The following TYW1B variants were observed in gnomAD, a reference collection of about 807,000 sequenced individuals.
The protein encoded by TYW1B is tRNA-yW synthesizing protein 1 homolog B.
TYW1B carries 73 observed loss-of-function variants against 86.9 expected under a neutral mutation model. That is an observed-to-expected ratio of 0.84 (90% CI 0.70 to 1.02). TYW1B has a LOEUF of 1.02. Ranked by LOEUF, TYW1B falls within the 50% of genes least tolerant of loss-of-function variation. TYW1B has a pLI of 0.00. For missense variants in TYW1B, 637 were observed against 827.4 expected (o/e 0.77, Z 2.82); for synonymous variants, 248 against 292.8 (o/e 0.85, Z 1.56).
rs1184380985 is a variant in TYW1B, at chr7:72,738,337, C to A, written c.1082+6147G>T. ...TGACCTCGTGATCCGCCTGCCTCAG[C>A]CTCCCAAAGTGCTGGGATTACAGGC... On this transcript the variant is annotated intron_variant, in intron 8 of 13. Transcript: ENST00000620995. Among the ~76,000 whole-genome samples, 18 of 152,254 alleles carry A rather than the reference C, an allele frequency of 1.2e-4. No homozygotes were observed. The East Asian group carries it at 2.9e-3, about 25-fold the overall frequency.
chr7:72,700,979 G>A (rs1554452425), intron 10 of TYW1B, among the ~76,000 whole-genome samples: 2 of 151,932 alleles, frequency 1.3e-5, no homozygotes. Flanking sequence ...CAGGAGAATT[G>A]CTTGAATCGG....
chr7:72,734,660 T>C (rs1343852381), intron 8 of TYW1B, among the ~76,000 whole-genome samples: 2 of 151,942 alleles, frequency 1.3e-5, no homozygotes, highest in African/African-American at 2.4e-5. Context: ...ATCAACAGGG[T>C]GAAGAGACAA....
chr7:72,577,716 A>T (rs1811055508), intron 13 of TYW1B, among the ~76,000 whole-genome samples: 1 of 152,116 alleles, frequency 6.6e-6, no homozygotes, highest in African/African-American at 2.4e-5. Context: ...AACTTCACAC[A>T]GACGGCCTGA....
At chr7:72,776,724 T>C (rs1204939355) in intron 7 of TYW1B, among the ~76,000 whole-genome samples, 2 of 151,256 alleles carry the variant, frequency 1.3e-5, no homozygotes, top group African/African-American at 4.9e-5. Context: ...AAAAAGCAGA[T>C]GAAATAGAAA....
intron 6 of TYW1B, among the ~76,000 whole-genome samples, chr7:72,796,587 C>T (rs1269508308): frequency 6.6e-6 from 1 of 151,650 alleles, no homozygotes; most frequent in Non-Finnish European, 1.5e-5. Context: ...GTTCATTAAT[C>T]TTTTTGAAGC....
At chr7:72,809,893 G>C (rs1204068857) in intron 4 of TYW1B, among the ~76,000 whole-genome samples, 1 of 151,598 alleles carries the variant, frequency 6.6e-6, no homozygotes, top group Non-Finnish European at 1.5e-5. Context: ...CCAGCTACTC[G>C]GGAGGCTGAT....
At chr7:72,684,218 G>T (rs1359745092) in intron 11 of TYW1B, among the ~76,000 whole-genome samples, 4 of 150,292 alleles carry the variant, frequency 2.7e-5, no homozygotes, top group Admixed American at 6.6e-5. Context: ...CCAAACCACA[G>T]TTTGTCAGGA....
At chr7:72,818,578 C>CAAAAA (rs57325230) in intron 2 of TYW1B, among the ~76,000 whole-genome samples, 4 of 38,384 alleles carry the variant, frequency 1.0e-4, no homozygotes, top group African/African-American at 2.9e-4. Context: ...GACTCCATCT[C>CAAAAA]AAAAAAAAAA....
intron 13 of TYW1B, among the ~76,000 whole-genome samples, chr7:72,609,520 C>T (rs1407345700): frequency 6.6e-6 from 1 of 152,092 alleles, no homozygotes; most frequent in East Asian, 1.9e-4. Flanking sequence ...GTTCACACCA[C>T]TGCACTCCAG....
chr7:72,734,241 G>A (rs1174106959), intron 8 of TYW1B, among the ~76,000 whole-genome samples: 1 of 65,980 alleles, frequency 1.5e-5, no homozygotes, highest in Admixed American at 1.8e-4. Flanking sequence ...GCAGGCAACA[G>A]TTTAAAACTC....
chr7:72,624,459 TTAA>T (rs1812293340), intron 12 of TYW1B, among the ~76,000 whole-genome samples: 1 of 152,232 alleles, frequency 6.6e-6, no homozygotes, highest in Admixed American at 6.5e-5. Flanking sequence ...AAACTAAAAT[TTAA>T]AAAATGGAAC....
At chr7:72,662,448 T>C (rs1177965977) in intron 11 of TYW1B, among the ~76,000 whole-genome samples, 3 of 151,904 alleles carry the variant, frequency 2.0e-5, no homozygotes, top group Admixed American at 2.0e-4. Context: ...GATAGATAGA[T>C]AGATAGATAG....
At chr7:72,596,560 G>A (rs1376459555) in intron 13 of TYW1B, among the ~76,000 whole-genome samples, 1 of 152,152 alleles carries the variant, frequency 6.6e-6, no homozygotes. Flanking sequence ...TTAACAAATG[G>A]TGTTGGAAAA....
intron 13 of TYW1B, among the ~76,000 whole-genome samples, chr7:72,576,109 C>T (rs111713505): frequency 3.3e-5 from 5 of 152,214 alleles, no homozygotes; most frequent in Non-Finnish European, 4.4e-5. Flanking sequence ...AACAGCATCT[C>T]GTGGAATCCT....
At chr7:72,807,637 AT>A (rs1302328651) in intron 4 of TYW1B, among the ~76,000 whole-genome samples, 10 of 152,206 alleles carry the variant, frequency 6.6e-5, no homozygotes, top group Non-Finnish European at 1.3e-4. Context: ...CTAAAAAAAA[AT>A]TTGAAACCTA....
In TYW1B at chr7:72,757,431, T is replaced by TA. The variant is rs1182243699; in HGVS notation, c.965-12831dup. Among the ~76,000 whole-genome samples the TA allele has an allele frequency of 1.3e-3, 190 of 143,336 alleles. 1 individual carries two copies. The highest frequency in any genetic ancestry group is 4.2e-3 in the African/African-American group (164 of 38,986). 94.0% of individuals were successfully genotyped at this position (143,336 alleles called of 152,430 possible). ...AGAAGAGTGGAAGTAATCTTGGCTA[T>TA]AAAAAAAAACAATGGAGAACTTATA... On this transcript the variant is annotated intron_variant, in intron 7 of 13. Transcript: ENST00000620995.
chr7:72,625,575 T>A (rs1554438635), intron 12 of TYW1B, among the ~76,000 whole-genome samples: 1 of 146,316 alleles, frequency 6.8e-6, no homozygotes, highest in Non-Finnish European at 1.5e-5. Flanking sequence ...GGTGGGAGGA[T>A]CACTTGAGCC....
intron 2 of TYW1B, among the ~76,000 whole-genome samples, chr7:72,818,764 C>T (rs111593105): frequency 3.3e-5 from 5 of 152,062 alleles, no homozygotes; most frequent in African/African-American, 9.6e-5. Context: ...AGGCACATGA[C>T]ATGGCAGGAA....
At chr7:72,599,911 C>T (rs1400393415) in intron 13 of TYW1B, among the ~76,000 whole-genome samples, 8 of 151,988 alleles carry the variant, frequency 5.3e-5, no homozygotes. Flanking sequence ...ATTCCATGTT[C>T]ATGGATTAGA....
Sources: allele counts gnomAD v4.1 joint callset (sites outside exome capture counted in the v4.1 genomes callset), GRCh38; gene constraint gnomAD v4.1.1; transcripts MANE v1.5; gene names NCBI Gene and HGNC (gene_info 2026-07-23, HGNC 2026-07-21).